ADAMTS18: variants seen among roughly 807,000 people sequenced by gnomAD.
The protein encoded by ADAMTS18 is A disintegrin and metalloproteinase with thrombospondin motifs 18.
ADAMTS18 carries 157 observed loss-of-function variants against 165.9 expected under a neutral mutation model. The observed-to-expected ratio is 0.95, with a 90% CI of 0.83 to 1.08. The LOEUF (loss-of-function observed/expected upper bound fraction) is 1.08, where lower values mean the gene tolerates loss of function less well. Among genes scored for constraint, ADAMTS18 ranks in the 50% least tolerant of loss-of-function variants. ADAMTS18 has a pLI of 0.00. For missense variants in ADAMTS18, 2,040 were observed against 1,534.0 expected, an observed-to-expected ratio of 1.33 and a Z score of -5.51; for synonymous variants, 782 against 578.2, an observed-to-expected ratio of 1.35 and a Z score of -5.06.
In ADAMTS18 at chr16:77,338,400, T is replaced by A. The variant is rs536674183; in HGVS notation, c.1711-2496A>T. Among the ~76,000 whole-genome samples, 4 of 151,954 alleles carry A rather than the reference T, an allele frequency of 2.6e-5. No homozygotes were observed. The South Asian group carries it at 6.2e-4, about 24-fold the overall frequency. On this transcript the variant is annotated intron_variant, in intron 11 of 22. Transcript: ENST00000282849. ...ACTGGCGTGCACCAGCATGCTCAGGTAATTTTTTGTATTTTTAGTAGAGAT... is the reference window on the plus strand; with the variant it reads ...ACTGGCGTGCACCAGCATGCTCAGGAAATTTTTTGTATTTTTAGTAGAGAT...
chr16:77,408,761 A>G (rs983740766), intron 3 of ADAMTS18, among the ~76,000 whole-genome samples: 2 of 152,162 alleles, frequency 1.3e-5, no homozygotes, highest in African/African-American at 2.4e-5. Flanking sequence ...GTGACATGAT[A>G]TATTTTCATC....
chr16:77,364,567 A>G (rs2056764897), intron 4 of ADAMTS18, among the ~76,000 whole-genome samples, 186 bp from the exon 5 acceptor site: 1 of 145,086 alleles, frequency 6.9e-6, no homozygotes, highest in South Asian at 2.4e-4. Context: ...AGAAGGGCCT[A>G]CTCAATAAAT....
At chr16:77,335,627 G>C in intron 12 of ADAMTS18, 129 bp downstream of exon 12, 4 of 1,142,502 alleles carry the variant, frequency 3.5e-6, no homozygotes, top group Middle Eastern at 2.1e-4. Context: ...CCATAAATAT[G>C]TATAACCATT....
In ADAMTS18 at chr16:77,323,431, A is replaced by T. The variant is rs765829345; in HGVS notation, c.2033-965T>A. Among the ~76,000 whole-genome samples the T allele has an allele frequency of 5.1e-4, 77 of 152,162 alleles. 1 individual carries two copies. The highest frequency in any genetic ancestry group is 2.2e-4 in the Non-Finnish European group (15 of 68,042). ...TGGGTTAAAAGGTTCTCTCCCATCTATAATTTTTTTTAATAGCAGCTTTAT... is the reference window on the plus strand; with the variant it reads ...TGGGTTAAAAGGTTCTCTCCCATCTTTAATTTTTTTTAATAGCAGCTTTAT... On this transcript the variant is annotated intron_variant, in intron 13 of 22. Transcript: ENST00000282849.
In ADAMTS18 at chr16:77,362,187, C is replaced by G. The variant is rs756320055; in HGVS notation, c.1134G>C (p.Lys378Asn). 6.2e-7 allele frequency: 1 copy of G among 1,613,972 alleles called. No individual in the cohort carries two copies. Among genetic ancestry groups the G allele is most frequent in the African/African-American group, 1.3e-5 (1 of 74,916 alleles). Residue 378 changes from lysine (K) to asparagine (N), a missense_variant, in exon 7 of 23, where the codon AAG becomes AAC. Physicochemically the swap from Lys to Asn is moderately conservative, Grantham distance 94. Transcript: ENST00000282849. ...FCQWQSALIG[K>N]NGKRHDHAIL... ...TGGCATGATCATGTCTCTTGCCATT[C>G]TTTCCAATGAGGGCAGACTGCCATT... is the stretch of plus-strand genomic sequence containing the variant.
At chr16:77,312,243 T>C (rs1032923750) in intron 16 of ADAMTS18, among the ~76,000 whole-genome samples, 1 of 152,162 alleles carries the variant, frequency 6.6e-6, no homozygotes, top group Non-Finnish European at 1.5e-5. Flanking sequence ...CTTTTTTTTT[T>C]TGTTTTTTTT....
intron 3 of ADAMTS18, among the ~76,000 whole-genome samples, chr16:77,381,810 A>C (rs1300976059): frequency 1.3e-5 from 2 of 152,154 alleles, no homozygotes; most frequent in African/African-American, 4.8e-5. Flanking sequence ...TCAAAAAAAT[A>C]AATAATAAAT....
intron 17 of ADAMTS18, among the ~76,000 whole-genome samples, chr16:77,298,635 G>GA: frequency 6.6e-6 from 1 of 151,694 alleles, no homozygotes. Context: ...CTATAAAAAA[G>GA]AAAAAAACGG....
At chr16:77,313,450 AAAAT>A (rs772605171) in intron 16 of ADAMTS18, among the ~76,000 whole-genome samples, 158 of 40,864 alleles carry the variant, frequency 3.9e-3, no homozygotes, top group African/African-American at 7.2e-3. Flanking sequence ...TAATAAAAAT[AAAAT>A]AAATAAATAA....
intron 11 of ADAMTS18, among the ~76,000 whole-genome samples, chr16:77,340,556 AAT>A (rs2056382946): frequency 1.3e-5 from 2 of 152,170 alleles, no homozygotes. Context: ...CATATCTAGT[AAT>A]GAATAAATTA....
At chr16:77,408,495 G>C (rs1333582172) in intron 3 of ADAMTS18, among the ~76,000 whole-genome samples, 5 of 152,154 alleles carry the variant, frequency 3.3e-5, no homozygotes, top group African/African-American at 1.2e-4. Flanking sequence ...GTTTATTCAT[G>C]AGGTGAGATA....
At chr16:77,408,464 C>T (rs2057419768) in intron 3 of ADAMTS18, among the ~76,000 whole-genome samples, 1 of 151,742 alleles carries the variant, frequency 6.6e-6, no homozygotes, top group Non-Finnish European at 1.5e-5. Context: ...TGTCTGTCAA[C>T]AAAAAAATAG....
chr16:77,318,014 G>T (rs2055918839), intron 16 of ADAMTS18, among the ~76,000 whole-genome samples: 1 of 152,178 alleles, frequency 6.6e-6, no homozygotes, highest in African/African-American at 2.4e-5. Context: ...GCTTTCCTCA[G>T]CACCAAGAAC....
rs192406964 is a variant in ADAMTS18, at chr16:77,397,541, T to C, written c.496-29818A>G. On this transcript the variant is annotated intron_variant, in intron 3 of 22. Transcript: ENST00000282849. ...AGATAGTTATGTAGGTCTCATAGAA[T>C]TTGGAGTCATTAACACAGTGATGTT... 4.5e-3 allele frequency among the ~76,000 whole-genome samples: 680 copies of C among 152,336 alleles called. 8 individuals are homozygous for C. The highest frequency in any genetic ancestry group is 0.015 in the African/African-American group (633 of 41,582).
chr16:77,360,214 G>A (rs2056692213), intron 7 of ADAMTS18, among the ~76,000 whole-genome samples: 1 of 152,198 alleles, frequency 6.6e-6, no homozygotes, highest in Admixed American at 6.5e-5. Context: ...GCACAAATAA[G>A]GGGTGGGATC....
chr16:77,412,971 G>A (rs1377856254), intron 3 of ADAMTS18, among the ~76,000 whole-genome samples: 1 of 152,056 alleles, frequency 6.6e-6, no homozygotes, highest in Non-Finnish European at 1.5e-5. Flanking sequence ...CTCTGTGATT[G>A]CAAGCATGAG....
At chr16:77,383,170 C>G (rs1009875415) in intron 3 of ADAMTS18, among the ~76,000 whole-genome samples, 4 of 152,120 alleles carry the variant, frequency 2.6e-5, no homozygotes, top group African/African-American at 9.7e-5. Flanking sequence ...CAGTGGTCTC[C>G]TATCTCCTCT....
chr16:77,284,123 CTTTTTTTT>C (rs34369567), intron 22 of ADAMTS18, 52 bp from the exon 23 acceptor site: 3 of 951,642 alleles, frequency 3.2e-6, no homozygotes, highest in Non-Finnish European at 4.7e-6. Flanking sequence ...TATCCTTTTT[CTTTTTTTT>C]TTTTTTTGAG....
intron 3 of ADAMTS18, among the ~76,000 whole-genome samples, chr16:77,403,736 C>G (rs12925015): frequency 0.12 from 18,538 of 152,214 alleles, 1,432 homozygotes; most frequent in East Asian, 0.23. Context: ...TCATATACAT[C>G]AGAGATGCTG....
Sources: gnomAD v4.1 joint callset for allele counts (sites outside exome capture counted in the v4.1 genomes callset) on GRCh38, gnomAD v4.1.1 for gene constraint, MANE v1.5 for transcripts, NCBI Gene and HGNC (gene_info 2026-07-23, HGNC 2026-07-21) for gene names.